The following MGAT5 variants were observed in gnomAD, a reference collection of about 807,000 sequenced individuals.
The protein encoded by MGAT5 is alpha-1,6-mannosylglycoprotein 6-beta-N-acetylglucosaminyltransferase A.
A neutral mutation model predicts 94.3 loss-of-function variants in MGAT5; 30 were observed. The ratio of observed to expected loss-of-function variants is 0.32; its 90% CI spans 0.24 to 0.43. The LOEUF (loss-of-function observed/expected upper bound fraction) is 0.43, where lower values mean the gene tolerates loss of function less well. Among genes scored for constraint, MGAT5 ranks in the 20% least tolerant of loss-of-function variants. The probability of loss-of-function intolerance (pLI) is 1.00; values close to 1 mark genes in which losing one functional copy is unlikely to be tolerated. For synonymous variants in MGAT5, 310 were observed against 322.9 expected (o/e 0.96, Z 0.43); for missense variants, 691 against 905.5 (o/e 0.76, Z 3.04).
At chr2:134,412,756 G>C in intron 11 of MGAT5, 113 bp from the exon 12 acceptor site, 1 of 1,319,672 alleles carries the variant, frequency 7.6e-7, no homozygotes, top group Non-Finnish European at 1.1e-6. Flanking sequence ...TCCAAAGTGA[G>C]GTGTCCACAC....
At chr2:134,152,356 C>A (rs1273031036) in intron 1 of MGAT5, among the ~76,000 whole-genome samples, 9 of 146,902 alleles carry the variant, frequency 6.1e-5, no homozygotes, top group Admixed American at 3.4e-4. Flanking sequence ...GGACCTCACT[C>A]ACGCCCTATG....
At chr2:134,299,759 G>T (rs1319572624) in intron 2 of MGAT5, among the ~76,000 whole-genome samples, 3 of 152,096 alleles carry the variant, frequency 2.0e-5, no homozygotes, top group Non-Finnish European at 4.4e-5. Flanking sequence ...CCATTTCAAA[G>T]CTGGTTTCCT....
intron 11 of MGAT5, among the ~76,000 whole-genome samples, chr2:134,411,075 G>A (rs955025260): frequency 6.6e-6 from 1 of 152,172 alleles, no homozygotes; most frequent in African/African-American, 2.4e-5. Flanking sequence ...GGGATGTCGT[G>A]GGACTAGTAC....
intron 10 of MGAT5, among the ~76,000 whole-genome samples, chr2:134,402,177 A>G (rs905281527): frequency 6.6e-6 from 1 of 152,218 alleles, no homozygotes; most frequent in Non-Finnish European, 1.5e-5. Flanking sequence ...CAGCTTGTAC[A>G]GTTTAGTCAC....
intron 2 of MGAT5, among the ~76,000 whole-genome samples, chr2:134,290,808 T>TC (rs1365421399): frequency 3.2e-5 from 1 of 31,700 alleles, no homozygotes; most frequent in Non-Finnish European, 4.7e-4. Context: ...CAGTTGTGGT[T>TC]TAAAAAAAAT....
At chr2:134,255,486 C>CAT (rs141340333) in intron 1 of MGAT5, among the ~76,000 whole-genome samples, 17,734 of 148,640 alleles carry the variant, frequency 0.12, 1,575 homozygotes, top group Non-Finnish European at 0.19. Flanking sequence ...TACATATATA[C>CAT]ATATATATAC....
At chr2:134,194,300 A>G (rs1397552836) in intron 1 of MGAT5, among the ~76,000 whole-genome samples, 1 of 152,138 alleles carries the variant, frequency 6.6e-6, no homozygotes, top group African/African-American at 2.4e-5. Context: ...GCTTTAAAAT[A>G]CACTTCAACT....
chr2:134,123,939 A>G (rs1685726068), intron 1 of MGAT5, among the ~76,000 whole-genome samples: 1 of 152,312 alleles, frequency 6.6e-6, no homozygotes, highest in South Asian at 2.1e-4. Context: ...AGATGGCTAC[A>G]CTTTCAAATT....
chr2:134,257,632 T>C (rs1558737632), intron 1 of MGAT5, among the ~76,000 whole-genome samples: 1 of 152,160 alleles, frequency 6.6e-6, no homozygotes, highest in Non-Finnish European at 1.5e-5. Flanking sequence ...GTTAGTATAG[T>C]CCAGGGCCAG....
At chr2:134,214,462 A>G (rs1680360680) in intron 1 of MGAT5, among the ~76,000 whole-genome samples, 1 of 152,126 alleles carries the variant, frequency 6.6e-6, no homozygotes, top group Admixed American at 6.5e-5. Flanking sequence ...GAGCTACAAA[A>G]ATTGCAAAAC....
At chr2:134,420,836 A>G (rs374204969) in intron 12 of MGAT5, among the ~76,000 whole-genome samples, 32 of 152,388 alleles carry the variant, frequency 2.1e-4, no homozygotes, top group African/African-American at 7.5e-4. Flanking sequence ...GAGAAATAAA[A>G]GGAAAAGAAT....
intron 1 of MGAT5, among the ~76,000 whole-genome samples, chr2:134,222,290 G>A (rs759621551): frequency 6.6e-6 from 1 of 151,632 alleles, no homozygotes; most frequent in Non-Finnish European, 1.5e-5. Context: ...TAGTGAAGAT[G>A]TGGGCGTCCA....
At chr2:134,392,326 G>C (rs567872158) in intron 10 of MGAT5, among the ~76,000 whole-genome samples, 1 of 152,296 alleles carries the variant, frequency 6.6e-6, no homozygotes, top group Admixed American at 6.5e-5. Context: ...CAGGAATGAG[G>C]TGAATAAATT....
At chr2:134,302,556 G>C (rs1686082653) in intron 2 of MGAT5, among the ~76,000 whole-genome samples, 1 of 151,974 alleles carries the variant, frequency 6.6e-6, no homozygotes, top group Non-Finnish European at 1.5e-5. Flanking sequence ...TTTCAACCTA[G>C]AGCTTCTTTT....
intron 9 of MGAT5, among the ~76,000 whole-genome samples, chr2:134,361,970 G>A (rs1573918009): frequency 6.6e-6 from 1 of 152,168 alleles, no homozygotes; most frequent in East Asian, 1.9e-4. Flanking sequence ...ATGGACAGTA[G>A]CCTTATTCTG....
intron 2 of MGAT5, among the ~76,000 whole-genome samples, chr2:134,304,850 G>A (rs1686235462): frequency 6.6e-6 from 1 of 152,150 alleles, no homozygotes; most frequent in African/African-American, 2.4e-5. Flanking sequence ...AGGTGGGACT[G>A]TAGGCATGCA....
chr2:134,342,943 C>T (rs767193310), intron 7 of MGAT5, among the ~76,000 whole-genome samples: 4 of 152,038 alleles, frequency 2.6e-5, no homozygotes, highest in Non-Finnish European at 4.4e-5. Flanking sequence ...TTGAGGTGTA[C>T]GTGGATGCTA....
At chr2:134,394,489 C>T (rs978071638) in intron 10 of MGAT5, among the ~76,000 whole-genome samples, 44 of 152,162 alleles carry the variant, frequency 2.9e-4, no homozygotes, top group African/African-American at 1.1e-3. Flanking sequence ...TACTGGAAAA[C>T]ACAAAATGTA....
intron 2 of MGAT5, among the ~76,000 whole-genome samples, chr2:134,275,950 A>G (rs935247286): frequency 1.3e-5 from 2 of 152,086 alleles, no homozygotes; most frequent in Non-Finnish European, 2.9e-5. Flanking sequence ...TATATAAGAC[A>G]CTGCCCATAA....
Sources: gnomAD v4.1 joint callset for allele counts (sites outside exome capture counted in the v4.1 genomes callset) on GRCh38, gnomAD v4.1.1 for gene constraint, MANE v1.5 for transcripts, NCBI Gene and HGNC (gene_info 2026-07-23, HGNC 2026-07-21) for gene names.